INPP4B: variants seen among roughly 807,000 people sequenced by gnomAD.
The protein encoded by INPP4B is inositol polyphosphate-4-phosphatase type II B, also known as inositol polyphosphate 4-phosphatase type II.
Under a neutral mutation model 122.5 loss-of-function variants are expected in INPP4B, and 55 were observed. The ratio of observed to expected loss-of-function variants is 0.45; its 90% CI spans 0.36 to 0.56. INPP4B has a LOEUF of 0.56. INPP4B is among the 20% of genes least tolerant of loss of function. The probability of loss-of-function intolerance (pLI) is 0.00; values close to 1 mark genes in which losing one functional copy is unlikely to be tolerated. For missense variants in INPP4B, 1,000 were observed against 1,097.7 expected (o/e 0.91, Z 1.26); for synonymous variants, 403 against 388.7 (o/e 1.04, Z -0.43).
chr4:142,278,632 G>A (rs1749753578), intron 9 of INPP4B, among the ~76,000 whole-genome samples: 1 of 151,752 alleles, frequency 6.6e-6, no homozygotes, highest in South Asian at 2.1e-4. Context: ...TATTCTCATG[G>A]CCCCAGGAAG....
intron 2 of INPP4B, among the ~76,000 whole-genome samples, chr4:142,670,704 TAGA>T (rs1045948203): frequency 8.6e-5 from 13 of 152,030 alleles, no homozygotes; most frequent in African/African-American, 3.1e-4. Flanking sequence ...TTCAGTTAGA[TAGA>T]AGAAGTATGT....
chr4:142,499,766 C>T (rs1823117645), intron 2 of INPP4B, among the ~76,000 whole-genome samples: 2 of 152,056 alleles, frequency 1.3e-5, no homozygotes. Context: ...AGTATCCTTC[C>T]CTTTAACCAG....
At chr4:142,640,924 C>T (rs2150478932) in intron 2 of INPP4B, among the ~76,000 whole-genome samples, 1 of 152,234 alleles carries the variant, frequency 6.6e-6, no homozygotes, top group South Asian at 2.1e-4. Context: ...CTTTGAATCA[C>T]AAATTTGGAT....
intron 2 of INPP4B, among the ~76,000 whole-genome samples, chr4:142,694,146 G>C (rs1405020132): frequency 2.0e-5 from 3 of 152,092 alleles, no homozygotes. Context: ...GCCGACGCAG[G>C]CAGATCGCTT....
At chr4:142,078,659 G>A (rs886548961) in intron 25 of INPP4B, among the ~76,000 whole-genome samples, 197 of 151,894 alleles carry the variant, frequency 1.3e-3, no homozygotes, top group African/African-American at 4.3e-3. Flanking sequence ...TTTGCTCATC[G>A]TAAATAATTT....
At chr4:142,726,956 A>G (rs1191523910) in intron 1 of INPP4B, among the ~76,000 whole-genome samples, 2 of 152,182 alleles carry the variant, frequency 1.3e-5, no homozygotes, top group African/African-American at 4.8e-5. Flanking sequence ...ATATAATATC[A>G]TCATTATTAT....
At chr4:142,603,071 C>G (rs1415657314) in intron 2 of INPP4B, among the ~76,000 whole-genome samples, 1 of 152,126 alleles carries the variant, frequency 6.6e-6, no homozygotes, top group Non-Finnish European at 1.5e-5. Flanking sequence ...AGATCATGTC[C>G]TTTGCAGGGA....
At chr4:142,654,713 AGTCAGACCAAAGTTCCATTT>A (rs1753804671) in intron 2 of INPP4B, 1 of 152,182 alleles carries the variant, frequency 6.6e-6, no homozygotes, top group Non-Finnish European at 1.5e-5. Flanking sequence ...GAGACAACAA[AGTCAGACCAAAGTTCCATTT>A]TAATTTGAAA....
chr4:142,578,309 C>T (rs1403966355), intron 2 of INPP4B, among the ~76,000 whole-genome samples: 1 of 152,020 alleles, frequency 6.6e-6, no homozygotes, highest in South Asian at 2.1e-4. Flanking sequence ...AGATTTGCCT[C>T]GTGACTATCT....
chr4:142,074,268 AAGATG>A (rs1264027408), intron 25 of INPP4B, among the ~76,000 whole-genome samples: 20 of 152,290 alleles, frequency 1.3e-4, no homozygotes, highest in African/African-American at 4.6e-4. Flanking sequence ...TGAAACATAG[AAGATG>A]AGATGAGTGA....
At chr4:142,536,311 G>T (rs1323985414) in intron 2 of INPP4B, among the ~76,000 whole-genome samples, 1 of 152,050 alleles carries the variant, frequency 6.6e-6, no homozygotes, top group East Asian at 1.9e-4. Flanking sequence ...TGTGTGCCTT[G>T]ATAATTAGCT....
At chr4:142,452,274 T>G (rs765763276) in intron 3 of INPP4B, among the ~76,000 whole-genome samples, 1 of 152,154 alleles carries the variant, frequency 6.6e-6, no homozygotes, top group African/African-American at 2.4e-5. Flanking sequence ...TCAAATGGTA[T>G]CAGATCTGAA....
intron 2 of INPP4B, among the ~76,000 whole-genome samples, chr4:142,691,328 GT>G (rs1220526135): frequency 0.012 from 1,794 of 146,658 alleles, 32 homozygotes; most frequent in African/African-American, 0.033. Flanking sequence ...CAAGGGCAAA[GT>G]TTTTTTTTTT....
intron 14 of INPP4B, among the ~76,000 whole-genome samples, chr4:142,203,510 G>GT (rs1455551726): frequency 6.6e-6 from 1 of 152,024 alleles, no homozygotes; most frequent in Non-Finnish European, 1.5e-5. Flanking sequence ...AAAAACTTTT[G>GT]TTTTGAATTT....
At chr4:142,608,725 C>T (rs2150328058) in intron 2 of INPP4B, among the ~76,000 whole-genome samples, 1 of 152,276 alleles carries the variant, frequency 6.6e-6, no homozygotes, top group East Asian at 1.9e-4. Context: ...AGTCCCTCTC[C>T]AACCAAAATC....
At chr4:142,330,808 A>C (rs1221335172) in intron 7 of INPP4B, among the ~76,000 whole-genome samples, 1 of 152,202 alleles carries the variant, frequency 6.6e-6, no homozygotes, top group African/African-American at 2.4e-5. Flanking sequence ...GTTTACACTC[A>C]GTATTCTTGC....
intron 21 of INPP4B, among the ~76,000 whole-genome samples, chr4:142,116,564 T>C (rs1793577362): frequency 6.6e-6 from 1 of 152,180 alleles, no homozygotes; most frequent in African/African-American, 2.4e-5. Flanking sequence ...GAATGACTAC[T>C]GGGTACATAA....
chr4:142,567,142 A>G (rs1580385847), intron 2 of INPP4B, among the ~76,000 whole-genome samples: 2 of 152,344 alleles, frequency 1.3e-5, no homozygotes, highest in African/African-American at 4.8e-5. Context: ...CTATTTTAAG[A>G]GCAGTCAGGA....
At chr4:142,186,184 A>T (rs1261704339) in intron 15 of INPP4B, among the ~76,000 whole-genome samples, 1 of 152,228 alleles carries the variant, frequency 6.6e-6, no homozygotes, top group Non-Finnish European at 1.5e-5. Flanking sequence ...TATCCTTTCT[A>T]TATATTTACA....
Sources: gnomAD v4.1 joint callset for allele counts (sites outside exome capture counted in the v4.1 genomes callset) on GRCh38, gnomAD v4.1.1 for gene constraint, MANE v1.5 for transcripts, NCBI Gene and HGNC (gene_info 2026-07-23, HGNC 2026-07-21) for gene names.